SNX3: variants seen among roughly 807,000 people sequenced by gnomAD.
SNX3 encodes sorting nexin 3.
In SNX3, 5 loss-of-function variants were observed where a neutral mutation model predicts 17.7. The ratio of observed to expected loss-of-function variants is 0.28; its 90% confidence interval spans 0.15 to 0.59. SNX3 has a LOEUF of 0.59. Among genes scored for constraint, SNX3 ranks in the 20% least tolerant of loss-of-function variants. The pLI is 0.88. For synonymous variants in SNX3, 91 were observed against 76.5 expected (o/e 1.19, Z -0.99); for missense variants, 132 against 206.8 (o/e 0.64, Z 2.22).
At chr6:108,251,000 T>A (rs1223168536) in intron 1 of SNX3, among the ~76,000 whole-genome samples, 1 of 152,016 alleles carries the variant, frequency 6.6e-6, no homozygotes, top group East Asian at 1.9e-4. Context: ...AATTATATAC[T>A]CCATCATTCA....
chr6:108,213,354 A>T (rs1774465268), intron 3 of SNX3, among the ~76,000 whole-genome samples: 1 of 152,144 alleles, frequency 6.6e-6, no homozygotes, highest in Middle Eastern at 3.2e-3. Flanking sequence ...TTCAGAATTT[A>T]AAAATATCTA....
chr6:108,216,417 T>G (rs1371667748), intron 2 of SNX3, among the ~76,000 whole-genome samples: 9 of 152,232 alleles, frequency 5.9e-5, no homozygotes. Context: ...AAACTGCCTT[T>G]GGTGGAAAAC....
At chr6:108,235,365 T>G (rs1775295501) in intron 1 of SNX3, among the ~76,000 whole-genome samples, 1 of 152,214 alleles carries the variant, frequency 6.6e-6, no homozygotes, top group African/African-American at 2.4e-5. Context: ...CCCAGTCAAG[T>G]GGCCCCACAG....
In SNX3 at chr6:108,259,020, C is replaced by T. The variant is rs1776110220; in HGVS notation, c.162+1740G>A. 2.6e-5 allele frequency among the ~76,000 whole-genome samples: 4 copies of T among 151,730 alleles called. No individual in the cohort carries two copies. The South Asian group carries it at 8.3e-4, about 32-fold the overall frequency. On this transcript the variant is annotated intron_variant, in intron 1 of 3. Transcript: ENST00000230085. ...TATGGAAGTATAGAAACAAGAATACCAAGTTCTGTTTTAGCACAAGAAAGA... is the reference window on the plus strand; with the variant it reads ...TATGGAAGTATAGAAACAAGAATACTAAGTTCTGTTTTAGCACAAGAAAGA...
chr6:108,230,399 G>T (rs1775107209), intron 1 of SNX3, among the ~76,000 whole-genome samples: 1 of 152,070 alleles, frequency 6.6e-6, no homozygotes, highest in Non-Finnish European at 1.5e-5. Flanking sequence ...CCATCTGTAT[G>T]AAATAATATT....
intron 3 of SNX3, among the ~76,000 whole-genome samples, chr6:108,213,873 C>A (rs1393063444): frequency 6.6e-6 from 1 of 152,122 alleles, no homozygotes; most frequent in Non-Finnish European, 1.5e-5. Flanking sequence ...TAGTTTAAGG[C>A]CAATGCACAA....
chr6:108,233,784 T>G (rs1775240972), intron 1 of SNX3, among the ~76,000 whole-genome samples: 2 of 152,126 alleles, frequency 1.3e-5, no homozygotes, highest in Admixed American at 1.3e-4. Context: ...GGTAGGAACT[T>G]GGGAATTTGT....
intron 1 of SNX3, among the ~76,000 whole-genome samples, chr6:108,259,197 T>C (rs1163616271): frequency 2.6e-5 from 4 of 152,338 alleles, no homozygotes; most frequent in Non-Finnish European, 5.9e-5. Context: ...GTCTGGATTT[T>C]GCAGTTTCCC....
At chr6:108,219,074 G>A (rs895904425) in intron 2 of SNX3, among the ~76,000 whole-genome samples, 3 of 152,196 alleles carry the variant, frequency 2.0e-5, no homozygotes, top group South Asian at 2.1e-4. Context: ...AAAAGCGGTC[G>A]GGCGGGGTGG....
intron 3 of SNX3, among the ~76,000 whole-genome samples, chr6:108,213,733 C>T (rs534640070): frequency 6.6e-6 from 1 of 152,070 alleles, no homozygotes; most frequent in East Asian, 1.9e-4. Context: ...TTGAGTGCTA[C>T]AGTAGATAAC....
At chr6:108,216,771 G>A (rs532051323) in intron 2 of SNX3, among the ~76,000 whole-genome samples, 17 of 151,920 alleles carry the variant, frequency 1.1e-4, no homozygotes, top group African/African-American at 4.1e-4. Flanking sequence ...AGAGCAACTC[G>A]ACTTCATATA....
chr6:108,234,704 T>C (rs1562429684), intron 1 of SNX3, among the ~76,000 whole-genome samples: 1 of 152,196 alleles, frequency 6.6e-6, no homozygotes. Context: ...TATATACAAA[T>C]CTTATTTTTA....
At chr6:108,253,842 C>A (rs1385842212) in intron 1 of SNX3, among the ~76,000 whole-genome samples, 2 of 152,052 alleles carry the variant, frequency 1.3e-5, no homozygotes, top group African/African-American at 4.8e-5. Flanking sequence ...ACCACCACTG[C>A]CGGCCGGGCT....
At chr6:108,212,331 A>G in intron 3 of SNX3, 77 bp from the exon 4 acceptor site, 1 of 1,005,784 alleles carries the variant, frequency 9.9e-7, no homozygotes, top group Non-Finnish European at 1.5e-6. Context: ...TTTAAAGTTG[A>G]GAAGCATGTA....
At chr6:108,230,055 C>T (rs1272928235) in intron 1 of SNX3, among the ~76,000 whole-genome samples, 2 of 151,372 alleles carry the variant, frequency 1.3e-5, no homozygotes, top group Non-Finnish European at 2.9e-5. Flanking sequence ...AATGTATGGA[C>T]AAGAGTCAGA....
intron 2 of SNX3, among the ~76,000 whole-genome samples, chr6:108,220,383 T>G (rs140640765): frequency 1.0e-3 from 152 of 152,242 alleles, no homozygotes; most frequent in African/African-American, 3.5e-3. Context: ...AAAAAAGTCT[T>G]CCACGCTGTA....
chr6:108,231,989 C>T (rs531020076), intron 1 of SNX3, among the ~76,000 whole-genome samples: 1 of 152,066 alleles, frequency 6.6e-6, no homozygotes, highest in Non-Finnish European at 1.5e-5. Context: ...TGGAGAAATT[C>T]GGGGTAATGC....
intron 2 of SNX3, among the ~76,000 whole-genome samples, chr6:108,220,233 C>T (rs970443275): frequency 6.6e-6 from 1 of 151,864 alleles, no homozygotes. Flanking sequence ...CAGTAATAAA[C>T]AGTAATGTCC....
intron 1 of SNX3, among the ~76,000 whole-genome samples, chr6:108,254,747 G>C (rs938392815): frequency 2.6e-5 from 4 of 152,128 alleles, no homozygotes; most frequent in Non-Finnish European, 5.9e-5. Flanking sequence ...AGGAAATCTG[G>C]TCCAGAGTCA....
Sources: gnomAD v4.1 joint callset for allele counts (sites outside exome capture counted in the v4.1 genomes callset) on GRCh38, gnomAD v4.1.1 for gene constraint, MANE v1.5 for transcripts, NCBI Gene and HGNC (gene_info 2026-07-23, HGNC 2026-07-21) for gene names.